EGFLAM: variants seen among roughly 807,000 people sequenced by gnomAD.
EGFLAM encodes pikachurin.
A neutral mutation model predicts 113.1 loss-of-function variants in EGFLAM; 79 were observed. The ratio of observed to expected loss-of-function variants is 0.70; its 90% CI spans 0.58 to 0.84. The LOEUF is 0.84. Among genes scored for constraint, EGFLAM ranks in the 40% least tolerant of loss-of-function variants. The pLI, the probability that EGFLAM is intolerant of heterozygous loss-of-function variation, is 0.00. For missense variants in EGFLAM, 1,265 were observed against 1,291.6 expected (o/e 0.98, Z 0.32); for synonymous variants, 504 against 487.6 (o/e 1.03, Z -0.44).
At position 38,332,722 on chromosome 5, in the gene EGFLAM, G is replaced by T. The variant is rs559295456; in HGVS notation, c.98-4798G>T. On this transcript the variant is annotated intron_variant, in intron 1 of 21. Transcript: ENST00000322350. ...GGGCCAAAATAAAGGGATGGGTTGGGCTAGTTATCTGCAGCAGGAGCATGT... is the reference window on the plus strand; with the variant it reads ...GGGCCAAAATAAAGGGATGGGTTGGTCTAGTTATCTGCAGCAGGAGCATGT... Among the ~76,000 whole-genome samples the T allele has an allele frequency of 2.0e-5, 3 of 152,326 alleles. No individual in the cohort carries two copies. The South Asian group carries it at 6.2e-4, about 32-fold the overall frequency.
chr5:38,368,248 G>A (rs1350589769), intron 5 of EGFLAM, among the ~76,000 whole-genome samples: 5 of 152,188 alleles, frequency 3.3e-5, no homozygotes, highest in Non-Finnish European at 7.3e-5. Context: ...GTTTGTAAAT[G>A]TGTTTCCTTC....
intron 15 of EGFLAM, among the ~76,000 whole-genome samples, chr5:38,433,345 G>A (rs138693328): frequency 3.4e-4 from 52 of 152,352 alleles, no homozygotes; most frequent in African/African-American, 1.2e-3. Flanking sequence ...ACGTGGAAGA[G>A]CAGTGCTTCT....
intron 12 of EGFLAM, among the ~76,000 whole-genome samples, chr5:38,423,030 C>T (rs1373803184): frequency 6.6e-6 from 1 of 152,190 alleles, no homozygotes; most frequent in East Asian, 1.9e-4. Context: ...AGGCCTGATA[C>T]CAGCACTGGG....
chr5:38,385,672 A>G (rs1274300636), intron 6 of EGFLAM, among the ~76,000 whole-genome samples: 1 of 152,204 alleles, frequency 6.6e-6, no homozygotes, highest in Non-Finnish European at 1.5e-5. Context: ...AGTACTCACC[A>G]TTGCTAAATG....
chr5:38,280,034 G>A (rs1279471208), intron 1 of EGFLAM, among the ~76,000 whole-genome samples: 2 of 152,022 alleles, frequency 1.3e-5, no homozygotes, highest in East Asian at 3.9e-4. Flanking sequence ...AAAAAAACAA[G>A]GTATACTGAT....
chr5:38,385,421 TA>T (rs1196225294), intron 6 of EGFLAM, among the ~76,000 whole-genome samples: 1 of 152,090 alleles, frequency 6.6e-6, no homozygotes, highest in Non-Finnish European at 1.5e-5. Flanking sequence ...AGATTACTTA[TA>T]ATACCTAATA....
chr5:38,262,171 T>G (rs1757514324), intron 1 of EGFLAM, among the ~76,000 whole-genome samples: 1 of 152,318 alleles, frequency 6.6e-6, no homozygotes, highest in East Asian at 1.9e-4. Flanking sequence ...GAGTGGTCTC[T>G]AGCCTAGTGC....
chr5:38,370,177 C>A, intron 5 of EGFLAM, 119 bp from the exon 6 acceptor site: 1 of 1,035,354 alleles, frequency 9.7e-7, no homozygotes, highest in Non-Finnish European at 1.4e-6. Flanking sequence ...GAAATGTTAA[C>A]TTACTTTTAC....
chr5:38,359,995 G>A (rs1739877464), intron 5 of EGFLAM, among the ~76,000 whole-genome samples: 2 of 152,128 alleles, frequency 1.3e-5, no homozygotes, highest in African/African-American at 4.8e-5. Context: ...TGCAACCTGG[G>A]TGGGTTTTTT....
rs1300187710 is a variant in EGFLAM at position 38,438,376 on chromosome 5, T to C, written c.2385T>C (p.His795=). The change falls in exon 17 of 22, where the codon CAT becomes CAC. Residue 795 remains histidine, a synonymous_variant. Transcript: ENST00000322350. Reference sequence around the variant, plus strand: ...CCTGTGTGAGAGCCCCTTGTGCCCATGGGGGCAGCTGCCGGCCCAGGAAGG... The same window carrying C: ...CCTGTGTGAGAGCCCCTTGTGCCCACGGGGGCAGCTGCCGGCCCAGGAAGG... ...AHPCVRAPCA[H]GGSCRPRKEG... is the part of the protein sequence containing the mutation. The C allele has an allele frequency of 1.2e-6, 2 of 1,613,852 alleles. No homozygotes were observed. The highest frequency in any genetic ancestry group is 1.7e-6 in the Non-Finnish European group (2 of 1,179,954).
intron 9 of EGFLAM, among the ~76,000 whole-genome samples, chr5:38,408,547 CT>C: frequency 6.6e-6 from 1 of 152,320 alleles, no homozygotes; most frequent in African/African-American, 2.4e-5. Flanking sequence ...ACCAGCACAG[CT>C]TTTGGCTGAG....
intron 5 of EGFLAM, among the ~76,000 whole-genome samples, chr5:38,359,488 A>G (rs1561292881): frequency 6.6e-6 from 1 of 152,194 alleles, no homozygotes; most frequent in Non-Finnish European, 1.5e-5. Flanking sequence ...CAGCCTTGCC[A>G]ACATGGTGAA....
At chr5:38,275,424 T>C (rs934285064) in intron 1 of EGFLAM, among the ~76,000 whole-genome samples, 1 of 152,134 alleles carries the variant, frequency 6.6e-6, no homozygotes, top group Non-Finnish European at 1.5e-5. Flanking sequence ...TAACTATGCT[T>C]ATATCAGATA....
chr5:38,452,010 A>G (rs1190002971), intron 19 of EGFLAM, among the ~76,000 whole-genome samples: 1 of 149,964 alleles, frequency 6.7e-6, no homozygotes, highest in Non-Finnish European at 1.5e-5. Flanking sequence ...AAAAAAAAAA[A>G]AGAGTACAGC....
intron 1 of EGFLAM, among the ~76,000 whole-genome samples, chr5:38,272,985 C>T (rs1241192782): frequency 6.6e-6 from 1 of 151,754 alleles, no homozygotes; most frequent in African/African-American, 2.4e-5. Flanking sequence ...CATTCCCCTG[C>T]ATAAACATCT....
intron 15 of EGFLAM, among the ~76,000 whole-genome samples, chr5:38,433,797 G>GTT (rs1293467954): frequency 2.6e-5 from 4 of 152,202 alleles, no homozygotes; most frequent in Non-Finnish European, 5.9e-5. Context: ...ATTCTGCTGG[G>GTT]CCACAAGAAT....
intron 1 of EGFLAM, among the ~76,000 whole-genome samples, chr5:38,268,626 C>T (rs891278527): frequency 1.3e-5 from 2 of 152,152 alleles, no homozygotes; most frequent in African/African-American, 4.8e-5. Context: ...GCTTCTTTCC[C>T]ATGGATATTT....
At chr5:38,321,302 C>T (rs1170164809) in intron 1 of EGFLAM, among the ~76,000 whole-genome samples, 1 of 152,126 alleles carries the variant, frequency 6.6e-6, no homozygotes, top group Admixed American at 6.5e-5. Flanking sequence ...GCTGATCTGA[C>T]AGGAGGCGGA....
At chr5:38,352,075 C>T (rs79373537) in intron 4 of EGFLAM, 121 bp from the exon 5 acceptor site, 66,513 of 1,400,150 alleles carry the variant, frequency 0.048, 2,085 homozygotes, top group East Asian at 0.12. Context: ...AGGAAGCACT[C>T]GAGCTGTTTA....
Sources: allele counts gnomAD v4.1 joint callset (sites outside exome capture counted in the v4.1 genomes callset), GRCh38; gene constraint gnomAD v4.1.1; transcripts MANE v1.5; gene names NCBI Gene and HGNC (gene_info 2026-07-23, HGNC 2026-07-21).